Variants in TSHZ2 observed in about 807,000 individuals in gnomAD.
The protein encoded by TSHZ2 is teashirt homolog 2.
TSHZ2 carries 21 observed loss-of-function variants against 74.4 expected under a neutral mutation model. That is an observed-to-expected ratio of 0.28 (90% CI 0.20 to 0.41). The LOEUF is 0.41. TSHZ2 is among the 10% of genes least tolerant of loss of function. The pLI, the probability that TSHZ2 is intolerant of heterozygous loss-of-function variation, is 1.00. For synonymous variants in TSHZ2, 540 were observed against 515.3 expected (o/e 1.05, Z -0.65); for missense variants, 1,244 against 1,293.5 (o/e 0.96, Z 0.59).
At chr20:53,288,705 T>C (rs185511387) in intron 2 of TSHZ2, among the ~76,000 whole-genome samples, 4 of 152,266 alleles carry the variant, frequency 2.6e-5, no homozygotes, top group African/African-American at 9.6e-5. Context: ...GAAAGACAGA[T>C]CCTACACAAA....
At chr20:53,340,177 C>CTTTT (rs74177489) in intron 2 of TSHZ2, among the ~76,000 whole-genome samples, 11,965 of 92,632 alleles carry the variant, frequency 0.13, 2,599 homozygotes, top group African/African-American at 0.38. Context: ...ACTTTTCTTT[C>CTTTT]TTTTTTCTTT....
At chr20:53,115,886 A>G (rs772995366) in intron 1 of TSHZ2, among the ~76,000 whole-genome samples, 3 of 152,200 alleles carry the variant, frequency 2.0e-5, no homozygotes, top group Non-Finnish European at 4.4e-5. Context: ...TTATGGTTTC[A>G]TATTGAATGA....
chr20:53,381,188 A>C (rs1047497147), intron 2 of TSHZ2, among the ~76,000 whole-genome samples: 2 of 152,232 alleles, frequency 1.3e-5, no homozygotes, highest in African/African-American at 4.8e-5. Context: ...AGTCCACAGC[A>C]CATGTTAATT....
chr20:53,100,525 T>C (rs1986187361), intron 1 of TSHZ2, among the ~76,000 whole-genome samples: 1 of 152,232 alleles, frequency 6.6e-6, no homozygotes, highest in Non-Finnish European at 1.5e-5. Context: ...GCTCCTGTTT[T>C]AGCAGGAAGC....
chr20:53,352,556 G>A (rs191604260), intron 2 of TSHZ2, among the ~76,000 whole-genome samples: 20 of 151,982 alleles, frequency 1.3e-4, no homozygotes, highest in Non-Finnish European at 2.4e-4. Flanking sequence ...AGCGGGTCAC[G>A]TGAGGTCAGG....
chr20:52,996,095 G>A (rs1027354358), intron 1 of TSHZ2, among the ~76,000 whole-genome samples: 4 of 152,104 alleles, frequency 2.6e-5, no homozygotes, highest in Non-Finnish European at 5.9e-5. Context: ...ATAGCACATA[G>A]ATGTCTTTGG....
chr20:53,186,881 G>A (rs1988612378), intron 1 of TSHZ2, among the ~76,000 whole-genome samples: 1 of 151,938 alleles, frequency 6.6e-6, no homozygotes, highest in African/African-American at 2.4e-5. Flanking sequence ...GGCAGTGTGT[G>A]CGCAGGGACA....
chr20:53,123,356 G>T (rs6013637), intron 1 of TSHZ2, among the ~76,000 whole-genome samples: 2 of 152,234 alleles, frequency 1.3e-5, no homozygotes. Flanking sequence ...TTCAATAAAC[G>T]TATGATCAGC....
chr20:53,396,233 G>A (rs1269016522), intron 2 of TSHZ2, among the ~76,000 whole-genome samples: 4 of 152,192 alleles, frequency 2.6e-5, no homozygotes, highest in Admixed American at 6.5e-5. Flanking sequence ...CACTGTGCCC[G>A]GCCATTTTAA....
intron 1 of TSHZ2, among the ~76,000 whole-genome samples, chr20:53,195,787 A>G (rs1046122517): frequency 2.6e-5 from 4 of 152,216 alleles, no homozygotes; most frequent in African/African-American, 4.8e-5. Flanking sequence ...CTTGGAAGGC[A>G]GGTAAACTGT....
chr20:53,135,796 G>A (rs1180557597), intron 1 of TSHZ2, among the ~76,000 whole-genome samples: 1 of 151,686 alleles, frequency 6.6e-6, no homozygotes, highest in Admixed American at 6.6e-5. Flanking sequence ...TTAGAAATAG[G>A]GTCTCCCTAT....
At chr20:52,993,419 A>T (rs1175469425) in intron 1 of TSHZ2, among the ~76,000 whole-genome samples, 3 of 152,330 alleles carry the variant, frequency 2.0e-5, no homozygotes, top group East Asian at 3.9e-4. Flanking sequence ...GTAACAATGC[A>T]CTGTGTGAGG....
chr20:53,211,044 T>G (rs1412838132), intron 1 of TSHZ2, among the ~76,000 whole-genome samples: 1 of 152,188 alleles, frequency 6.6e-6, no homozygotes, highest in Non-Finnish European at 1.5e-5. Flanking sequence ...CTGGACATAA[T>G]AAAAACAGCA....
chr20:52,978,029 C>T (rs1235078132), intron 1 of TSHZ2, among the ~76,000 whole-genome samples: 1 of 152,174 alleles, frequency 6.6e-6, no homozygotes, highest in African/African-American at 2.4e-5. Flanking sequence ...GAAATACCTC[C>T]CAAGTATTTT....
chr20:53,386,089 A>T (rs754083567), intron 2 of TSHZ2, among the ~76,000 whole-genome samples: 2 of 152,230 alleles, frequency 1.3e-5, no homozygotes, highest in African/African-American at 2.4e-5. Flanking sequence ...GGTCTCACAC[A>T]GTATTTAGAC....
At chr20:53,132,400 C>G (rs1411358946) in intron 1 of TSHZ2, among the ~76,000 whole-genome samples, 1 of 151,654 alleles carries the variant, frequency 6.6e-6, no homozygotes, top group Non-Finnish European at 1.5e-5. Flanking sequence ...CAACCTCAGC[C>G]TCCAGGTTCA....
At chr20:53,442,942 G>T (rs138187710) in intron 2 of TSHZ2, among the ~76,000 whole-genome samples, 1 of 152,126 alleles carries the variant, frequency 6.6e-6, no homozygotes, top group Admixed American at 6.5e-5. Flanking sequence ...ATCTCATCCC[G>T]CTTAAGATCA....
At chr20:53,110,662 G>GT (rs1213934939) in intron 1 of TSHZ2, among the ~76,000 whole-genome samples, 5 of 152,100 alleles carry the variant, frequency 3.3e-5, no homozygotes, top group Admixed American at 3.3e-4. Context: ...AAATATGGTG[G>GT]TAAGGGGTGG....
intron 1 of TSHZ2, among the ~76,000 whole-genome samples, chr20:53,246,447 C>A (rs917978901): frequency 6.6e-6 from 1 of 152,180 alleles, no homozygotes; most frequent in African/African-American, 2.4e-5. Flanking sequence ...CTTACCTTCA[C>A]AACTGAGAAC....
Sources: gnomAD v4.1 joint callset for allele counts (sites outside exome capture counted in the v4.1 genomes callset) on GRCh38, gnomAD v4.1.1 for gene constraint, MANE v1.5 for transcripts, NCBI Gene and HGNC (gene_info 2026-07-23, HGNC 2026-07-21) for gene names.